The following SENP6 variants were observed in gnomAD, a reference collection of about 807,000 sequenced individuals.
SENP6 encodes SUMO specific peptidase 6, also known as sentrin-specific protease 6.
In SENP6, 41 loss-of-function variants were observed where a neutral mutation model predicts 134.5. The observed-to-expected ratio is 0.30, with a 90% CI of 0.24 to 0.40. The LOEUF is 0.40. Ranked by LOEUF, SENP6 falls within the 10% of genes least tolerant of loss-of-function variation. SENP6 has a pLI of 1.00. For synonymous variants in SENP6, 395 were observed against 429.8 expected (o/e 0.92, Z 1.00); for missense variants, 1,248 against 1,312.5 (o/e 0.95, Z 0.76).
intron 1 of SENP6, among the ~76,000 whole-genome samples, chr6:75,607,588 T>G (rs924513894): frequency 6.6e-5 from 10 of 152,092 alleles, no homozygotes; most frequent in Non-Finnish European, 1.5e-4. Flanking sequence ...CTATATTTTC[T>G]CCCGTTTTTC....
At position 75,657,670 on chromosome 6, in the gene SENP6, A is replaced by G. The variant is rs1180013306; in HGVS notation, c.551-1592A>G. On this transcript the variant is annotated intron_variant, in intron 7 of 23. Transcript: ENST00000447266. ...CTAGATGCTGGGAAAACACATGACT[A>G]AAACGTAATTTCTGCTCTTCCCAGA... Among the ~76,000 whole-genome samples the G allele has an allele frequency of 5.3e-5, 8 of 152,244 alleles. No homozygotes were observed. The South Asian group carries it at 1.7e-3, about 31-fold the overall frequency.
chr6:75,713,873 C>G (rs757706873), intron 23 of SENP6, 48 bp downstream of exon 23: 1 of 1,337,192 alleles, frequency 7.5e-7, no homozygotes, highest in Non-Finnish European at 1.0e-6. Context: ...TAAAATAGTG[C>G]ATTTGACTTT....
rs1257392484 is a variant in SENP6 at position 75,626,446 on chromosome 6, A to G, written c.207+2486A>G. The stretch of plus-strand genomic sequence containing the variant: ...GACAGTATGTTATGTAGATCACTCT[A>G]CAGCAAAGTATTTACAAATCTTTAT... On this transcript the variant is annotated intron_variant, in intron 3 of 23. Transcript: ENST00000447266. Among the ~76,000 whole-genome samples the G allele has an allele frequency of 2.6e-5, 4 of 152,228 alleles. No homozygotes were observed. In the East Asian group the frequency reaches 7.7e-4, roughly 29 times the overall value.
Position 75,640,694 on chromosome 6 carries a change from C to G in SENP6, c.469C>G (p.Arg157Gly). The change falls in exon 6 of 24, where the codon CGA becomes GGA. Residue 157 changes from arginine (R) to glycine (G), a missense_variant. Physicochemically the swap from Arg to Gly is moderately radical, Grantham distance 125 (BLOSUM62 -2). Transcript: ENST00000447266. ...VKTAAQSSLD[R>G]KERKEYPPHV... ...TTTTCATGTTTTAAGCAGTCTGGAC[C>G]GAAAAGAAAGGTAAGCTTAATATTG... 6.6e-7 allele frequency: 1 copy of G among 1,516,320 alleles called. No individual in the cohort carries two copies. The highest frequency in any genetic ancestry group is 8.9e-7 in the Non-Finnish European group (1 of 1,124,662). 93.9% of individuals were successfully genotyped at this position (1,516,320 alleles called of 1,614,324 possible).
intron 19 of SENP6, among the ~76,000 whole-genome samples, chr6:75,706,334 A>G (rs891984229): frequency 6.6e-6 from 1 of 152,178 alleles, no homozygotes; most frequent in African/African-American, 2.4e-5. Flanking sequence ...AAATGGCTGT[A>G]TATGGTATGT....
chr6:75,702,793 A>G lies in SENP6; in HGVS notation c.2437A>G (p.Ser813Gly), dbSNP rs1321814802. 2 of 1,614,132 alleles carry G rather than the reference A, an allele frequency of 1.2e-6. No individual in the cohort carries two copies. The highest frequency in any genetic ancestry group is 3.3e-5 in the Admixed American group (2 of 60,018). The change falls in exon 19 of 24, where the codon AGT (serine) becomes GGT (glycine). Residue 813 changes from serine (S) to glycine (G), a missense_variant. Ser to Gly is a moderately conservative substitution (Grantham distance 56). Around this residue, in one of 3 missense-constraint regions of SENP6, gnomAD observed 386 missense variants for 395.0 expected, o/e 0.98. Coordinates refer to ENST00000447266, the MANE Select transcript of SENP6 (RefSeq NM_015571.4). ...CISSSASEME[S>G]CSQNSSAKPV... ...TTCTTCTTCAGCCAGTGAAATGGAG[A>G]GTTGTTCACAAAACTCTTCTGCCAA...
intron 20 of SENP6, among the ~76,000 whole-genome samples, chr6:75,709,916 C>T (rs1469903980): frequency 6.6e-6 from 1 of 152,178 alleles, no homozygotes; most frequent in Non-Finnish European, 1.5e-5. Context: ...TCTTAAAAAA[C>T]AAATTCAGCT....
intron 2 of SENP6, among the ~76,000 whole-genome samples, chr6:75,623,212 T>A (rs1768408007): frequency 6.6e-6 from 1 of 152,224 alleles, no homozygotes; most frequent in Non-Finnish European, 1.5e-5. Context: ...TAGTTATACA[T>A]TTTTTAAAAA....
intron 19 of SENP6, among the ~76,000 whole-genome samples, chr6:75,703,290 C>T (rs1775167762): frequency 6.7e-6 from 1 of 149,552 alleles, no homozygotes; most frequent in African/African-American, 2.5e-5. Flanking sequence ...ACCCAATCTC[C>T]AACAAAAAAA....
In SENP6 at chr6:75,717,824, G is replaced by T. The variant is rs1242486144; in HGVS notation, c.*2230G>T. ...ATAGATCTGTTGTATTGGTTTTCTTGTTGGATAGAATAACAGTTAATCATT... is the reference window on the plus strand; with the variant it reads ...ATAGATCTGTTGTATTGGTTTTCTTTTTGGATAGAATAACAGTTAATCATT... On this transcript the variant is annotated 3_prime_UTR_variant, in exon 24 of 24. Coordinates refer to ENST00000447266, the MANE Select transcript of SENP6 (RefSeq NM_015571.4). The T allele has an allele frequency of 6.6e-6, 1 of 152,122 alleles. No homozygotes were observed. The allele number at this position is 152,122 out of a possible 1,614,324, so 9.4% of individuals were successfully genotyped here.
At position 75,666,904 on chromosome 6, in the gene SENP6, C is replaced by G. The variant is rs1383307328; in HGVS notation, c.1187C>G (p.Thr396Arg). The G allele has an allele frequency of 4.4e-6, 7 of 1,606,974 alleles. No individual in the cohort carries two copies. The highest frequency in any genetic ancestry group is 6.0e-6 in the Non-Finnish European group (7 of 1,174,752). ...ATTCCAGAAGACTCAGAGTTAAATA[C>G]AGTTACATTGCCAAGAAAAGCAAGA... ...RSIPEDSELN[T>R]VTLPRKARMK... The change falls in exon 10 of 24, where the codon ACA (threonine) becomes AGA (arginine). Residue 396 changes from threonine (T) to arginine (R), a missense_variant. By Grantham distance (71) the Thr-to-Arg change is moderately conservative (BLOSUM62 -1). Coordinates refer to ENST00000447266, the MANE Select transcript of SENP6 (RefSeq NM_015571.4).
chr6:75,663,269 G>A lies in SENP6; in HGVS notation c.745G>A (p.Gly249Arg). 6.2e-7 allele frequency: 1 copy of A among 1,613,494 alleles called. No individual in the cohort carries two copies. The highest frequency in any genetic ancestry group is 8.5e-7 in the Non-Finnish European group (1 of 1,179,684). ...AGCTATTACTTTGAATGAGTCTACT[G>A]GACCATTATTAAGAACGTCAATTCA... is the stretch of plus-strand genomic sequence containing the variant. The part of the protein sequence containing the change: ...RQAITLNEST[G>R]PLLRTSIHQN... The change falls in exon 9 of 24, where the codon GGA (glycine) becomes AGA (arginine). Residue 249 changes from glycine to arginine, a missense_variant. This residue lies in a region of SENP6 where 733 missense variants were observed against 725.4 expected (regional missense o/e 1.01). Coordinates refer to ENST00000447266, the MANE Select transcript of SENP6 (RefSeq NM_015571.4).
At chr6:75,610,671 C>T (rs534145928) in intron 1 of SENP6, among the ~76,000 whole-genome samples, 2 of 152,210 alleles carry the variant, frequency 1.3e-5, no homozygotes, top group East Asian at 3.9e-4. Flanking sequence ...GTCCCAGGCA[C>T]ACTGGGATGT....
chr6:75,631,206 C>T (rs10485375), intron 3 of SENP6, among the ~76,000 whole-genome samples: 1 of 151,878 alleles, frequency 6.6e-6, no homozygotes, highest in Non-Finnish European at 1.5e-5. Flanking sequence ...CTATTAGGTT[C>T]TCTTATTATC....
intron 8 of SENP6, among the ~76,000 whole-genome samples, chr6:75,661,764 G>A (rs992893184): frequency 6.6e-6 from 1 of 152,052 alleles, no homozygotes; most frequent in Middle Eastern, 3.2e-3. Context: ...AACAAGATCT[G>A]TGGGCCGGGC....
Position 75,711,485 on chromosome 6 carries a change from GT to G in SENP6, c.2909+79del, listed in dbSNP as rs1201370295. On this transcript the variant is annotated intron_variant, in intron 21 of 23. Transcript: ENST00000447266. ...TATGCTCATAAAACATAACAGGACA[GT>G]TTTTTTTTTAAATAAATACTTAAGC... is the stretch of plus-strand genomic sequence containing the variant. The G allele has an allele frequency of 1.1e-3, 1,005 of 882,306 alleles. 1 individual carries two copies. Among genetic ancestry groups the G allele is most frequent in the South Asian group, 1.9e-3 (84 of 44,830 alleles). 54.7% of individuals were successfully genotyped at this position (882,306 alleles called of 1,614,324 possible).
In SENP6 at chr6:75,711,084, G is replaced by A. The variant is rs189801316; in HGVS notation, c.2821-244G>A. ...CAGTCTTAAAGATTTATTCTAGATT[G>A]AGTAAATAGATGTAACAATTTGTTA... On this transcript the variant is annotated intron_variant, in intron 20 of 23. Transcript: ENST00000447266. 1.4e-4 allele frequency among the ~76,000 whole-genome samples: 22 copies of A among 152,266 alleles called. 1 individual carries two copies. The highest frequency in any genetic ancestry group is 4.8e-4 in the African/African-American group (20 of 41,544).
Position 75,717,299 on chromosome 6 carries a change from A to G in SENP6, c.*1705A>G, listed in dbSNP as rs1380434699. The G allele has an allele frequency of 6.6e-6, 1 of 152,100 alleles. No homozygotes were observed. The highest frequency in any genetic ancestry group is 1.5e-5 in the Non-Finnish European group (1 of 67,928). 9.4% of individuals were successfully genotyped at this position (152,100 alleles called of 1,614,324 possible). A position where few individuals can be genotyped will look rare whatever the true frequency, so the allele number is the denominator to read the frequency against. ...TTTTTTTAATGAACTATATTTTGTC[A>G]GAATCTGAAGGTACTGAAAAACTAT... On this transcript the variant is annotated 3_prime_UTR_variant, in exon 24 of 24. Transcript: ENST00000447266.
At chr6:75,695,164 C>T (rs1774570192) in intron 16 of SENP6, among the ~76,000 whole-genome samples, 1 of 152,032 alleles carries the variant, frequency 6.6e-6, no homozygotes, top group South Asian at 2.1e-4. Context: ...GCATGAGCCA[C>T]CGTGTGCAGC....
Sources: allele counts gnomAD v4.1 joint callset (sites outside exome capture counted in the v4.1 genomes callset), GRCh38; gene constraint gnomAD v4.1.1; regional missense constraint gnomAD v4.1.1; transcripts MANE v1.5; gene names NCBI Gene and HGNC (gene_info 2026-07-23, HGNC 2026-07-21).